The following MYT1L variants were observed in gnomAD, a reference collection of about 807,000 sequenced individuals.
MYT1L encodes myelin transcription factor 1 like.
A neutral mutation model predicts 126.7 loss-of-function variants in MYT1L; 12 were observed. That is an observed-to-expected ratio of 0.09 (90% CI 0.06 to 0.15). The LOEUF (loss-of-function observed/expected upper bound fraction) is 0.15. MYT1L is among the 10% of genes least tolerant of loss of function. The pLI is 1.00. For missense variants in MYT1L, 979 were observed against 1,585.2 expected, an observed-to-expected ratio of 0.62 and a Z score of 6.49; for synonymous variants, 541 against 604.2, an observed-to-expected ratio of 0.90 and a Z score of 1.53.
intron 21 of MYT1L, among the ~76,000 whole-genome samples, chr2:1,812,095 C>A (rs1184236452): frequency 2.6e-5 from 4 of 152,210 alleles, no homozygotes; most frequent in Non-Finnish European, 5.9e-5. Flanking sequence ...CATCTTCCTG[C>A]AGGTGTGTCT....
At chr2:2,326,836 A>T (rs1325354477) in intron 1 of MYT1L, 1 of 152,216 alleles carries the variant, frequency 6.6e-6, no homozygotes, top group Admixed American at 6.5e-5. Flanking sequence ...GCATAGAAAA[A>T]TCACTGTGTA....
At chr2:1,830,453 A>G (rs1301783041) in intron 21 of MYT1L, among the ~76,000 whole-genome samples, 2 of 147,238 alleles carry the variant, frequency 1.4e-5, no homozygotes, top group Non-Finnish European at 3.0e-5. Context: ...AGGAGGCATC[A>G]CATGGCAGAT....
intron 3 of MYT1L, among the ~76,000 whole-genome samples, chr2:2,084,819 T>C (rs1187148265): frequency 2.0e-5 from 3 of 152,208 alleles, no homozygotes; most frequent in East Asian, 1.9e-4. Context: ...AAGGATTTAA[T>C]TGGGAAAGGA....
At chr2:2,011,398 A>C (rs2063806561) in intron 4 of MYT1L, among the ~76,000 whole-genome samples, 1 of 151,176 alleles carries the variant, frequency 6.6e-6, no homozygotes, top group African/African-American at 2.4e-5. Context: ...GCAAGACTCC[A>C]TCTCAGAAAA....
chr2:1,872,301 C>G (rs1337799966), intron 18 of MYT1L, among the ~76,000 whole-genome samples: 1 of 152,066 alleles, frequency 6.6e-6, no homozygotes, highest in South Asian at 2.1e-4. Context: ...TGTCATCCAA[C>G]GAAAGGTAGA....
chr2:1,912,219 C>A lies in MYT1L; in HGVS notation c.1619-109G>T. 1.5e-6 allele frequency: 1 copy of A among 664,502 alleles called. No homozygotes were observed. Among genetic ancestry groups the A allele is most frequent in the Non-Finnish European group, 2.4e-6 (1 of 414,008 alleles). The allele number at this position is 664,502 out of a possible 1,614,324, so 41.2% of individuals were successfully genotyped here. A position where few individuals can be genotyped will look rare whatever the true frequency, so the allele number is the denominator to read the frequency against. ...GGCCAGGTCGCTCATGATAGACAGT[C>A]CTACAAACGTTTGTGATGGGCATGG... is the stretch of plus-strand genomic sequence containing the variant. On this transcript the variant is annotated intron_variant, in intron 11 of 24. Coordinates refer to ENST00000647738, the MANE Select transcript of MYT1L (RefSeq NM_001303052.2). The surrounding 1 kb of genome is among the most constrained non-coding windows in gnomAD (Gnocchi z 4.3).
chr2:1,879,061 G>C (rs975683761), intron 18 of MYT1L, among the ~76,000 whole-genome samples: 2 of 152,182 alleles, frequency 1.3e-5, no homozygotes, highest in Non-Finnish European at 2.9e-5. Context: ...ATGTAAGAGA[G>C]AGCACAGCAA....
intron 2 of MYT1L, among the ~76,000 whole-genome samples, chr2:2,190,689 G>T (rs1311027883): frequency 6.6e-6 from 1 of 152,082 alleles, no homozygotes; most frequent in Non-Finnish European, 1.5e-5. Context: ...GTGAATGGAT[G>T]AATGAATGAG....
At chr2:2,190,588 G>T (rs1186930676) in intron 2 of MYT1L, among the ~76,000 whole-genome samples, 1 of 142,078 alleles carries the variant, frequency 7.0e-6, no homozygotes, top group Admixed American at 7.0e-5. Context: ...GAAGAAGAAA[G>T]CTCACAGAAG....
At position 1,943,365 on chromosome 2, in the gene MYT1L, A is replaced by G; in HGVS notation, c.153-31T>C. 1.3e-6 allele frequency: 2 copies of G among 1,499,694 alleles called. No homozygotes were observed. Among genetic ancestry groups the G allele is most frequent in the South Asian group, 2.7e-5 (2 of 72,868 alleles). 92.9% of individuals were successfully genotyped at this position (1,499,694 alleles called of 1,614,324 possible). ...TAAAAAAATAGAGAAGGCAGGGGAG[A>G]GAGAGAAAAAAAATATCTGTGTTAC... On this transcript the variant is annotated intron_variant, in intron 8 of 24. Coordinates refer to ENST00000647738, the MANE Select transcript of MYT1L (RefSeq NM_001303052.2). The surrounding 1 kb of genome is among the most constrained non-coding windows in gnomAD (Gnocchi z 4.4).
chr2:2,225,878 G>C (rs1281875350), intron 2 of MYT1L, among the ~76,000 whole-genome samples: 1 of 152,196 alleles, frequency 6.6e-6, no homozygotes, highest in East Asian at 1.9e-4. Context: ...CTATGAAGTA[G>C]GAACTTTCCT....
At chr2:1,840,492 G>A (rs1223008847) in intron 20 of MYT1L, among the ~76,000 whole-genome samples, 2 of 152,120 alleles carry the variant, frequency 1.3e-5, no homozygotes, top group Non-Finnish European at 2.9e-5. Context: ...GGAGAGGGAA[G>A]GCTTGTTTTT....
intron 18 of MYT1L, among the ~76,000 whole-genome samples, chr2:1,874,444 T>G (rs1362071583): frequency 1.3e-5 from 2 of 152,170 alleles, no homozygotes; most frequent in Non-Finnish European, 2.9e-5. Context: ...CTGGCCAGAC[T>G]TATCTCTCAG....
At chr2:2,325,399 G>C (rs2096233012) in intron 1 of MYT1L, 1 of 152,102 alleles carries the variant, frequency 6.6e-6, no homozygotes, top group South Asian at 2.1e-4. Context: ...ACTTGTCTAA[G>C]AAAGTTAAAA....
chr2:2,289,772 C>T lies in MYT1L; in HGVS notation c.-520-5269G>A, dbSNP rs572204538. On this transcript the variant is annotated intron_variant, in intron 1 of 24. Coordinates refer to ENST00000647738, the MANE Select transcript of MYT1L (RefSeq NM_001303052.2). ...ACTTTAAAGCATTTGATATCTGAGA[C>T]GTTAGGTGAGTTTCTTAGTATTATT... is the stretch of plus-strand genomic sequence containing the variant. Among the ~76,000 whole-genome samples, 10 of 152,280 alleles carry T rather than the reference C, an allele frequency of 6.6e-5. No homozygotes were observed. The South Asian group carries it at 8.3e-4, about 13-fold the overall frequency.
intron 2 of MYT1L, among the ~76,000 whole-genome samples, chr2:2,216,548 A>G (rs1367362979): frequency 1.3e-5 from 2 of 152,228 alleles, no homozygotes; most frequent in Admixed American, 6.5e-5. Context: ...TTGCAACATT[A>G]AATGCGTATA....
chr2:1,902,854 T>G, intron 14 of MYT1L: 2 of 549,120 alleles, frequency 3.6e-6, no homozygotes, highest in South Asian at 2.2e-5. Context: ...TGTCTCGGAA[T>G]TATTGAGGGG....
chr2:2,139,152 A>T (rs1408360403), intron 3 of MYT1L, among the ~76,000 whole-genome samples: 1 of 151,720 alleles, frequency 6.6e-6, no homozygotes, highest in Non-Finnish European at 1.5e-5. Flanking sequence ...AACAGAGCAT[A>T]TGGAACAAGT....
At chr2:1,948,776 T>C (rs1052698819) in intron 8 of MYT1L, among the ~76,000 whole-genome samples, 2 of 152,196 alleles carry the variant, frequency 1.3e-5, no homozygotes, top group Admixed American at 1.3e-4. Context: ...AGCTGGCTAC[T>C]GCAAACCTCT....
Sources: allele counts gnomAD v4.1 joint callset (sites outside exome capture counted in the v4.1 genomes callset), GRCh38; gene constraint gnomAD v4.1.1; non-coding constraint Gnocchi (gnomAD v3.1); transcripts MANE v1.5; gene names NCBI Gene and HGNC (gene_info 2026-07-23, HGNC 2026-07-21).